Variants in NCLN observed in about 807,000 individuals in gnomAD.
NCLN encodes nicalin, also known as BOS complex subunit NCLN.
NCLN carries 34 observed loss-of-function variants against 69.5 expected under a neutral mutation model. That is an observed-to-expected ratio of 0.49 (90% CI 0.37 to 0.65). The LOEUF is 0.65. NCLN is among the 30% of genes least tolerant of loss of function. The pLI is 0.00. For synonymous variants in NCLN, 393 were observed against 358.3 expected (o/e 1.10, Z -1.09); for missense variants, 710 against 804.8 (o/e 0.88, Z 1.42).
chr19:3,186,235 C>A (rs368731051), intron 1 of NCLN, 21 bp downstream of exon 1: 1 of 1,465,374 alleles, frequency 6.8e-7, no homozygotes, highest in Non-Finnish European at 9.0e-7. Context: ...CCGGCCCACC[C>A]TCGGGGCTCC....
chr19:3,193,558 TG>T (rs2144900597), intron 3 of NCLN, 130 bp downstream of exon 3: 1 of 1,098,648 alleles, frequency 9.1e-7, no homozygotes, highest in South Asian at 1.7e-5. Context: ...GGGTTAACAG[TG>T]GGGGTTCCTG....
In NCLN at chr19:3,205,017, G is replaced by A. The variant is rs1916229638; in HGVS notation, c.1208+266G>A. Among the ~76,000 whole-genome samples the A allele has an allele frequency of 6.6e-6, 1 of 152,228 alleles. No individual in the cohort carries two copies. The highest frequency in any genetic ancestry group is 2.1e-4 in the South Asian group (1 of 4,832). ...GACCCCGTCACCTGTTGAGTTAGGA[G>A]CAAGCAGCTCCTGCCTCTGGGCCTC... is the stretch of plus-strand genomic sequence containing the variant. On this transcript the variant is annotated intron_variant, in intron 9 of 14. Coordinates refer to ENST00000246117, the MANE Select transcript of NCLN (RefSeq NM_020170.4). The surrounding 1 kb of genome is among the most constrained non-coding windows in gnomAD (Gnocchi z 4.6).
At position 3,192,622 on chromosome 19, in the gene NCLN, C is replaced by A. The variant is rs1218798682; in HGVS notation, c.337C>A (p.Pro113Thr). Residue 113 changes from proline to threonine, a missense_variant, in exon 2 of 15, where the codon CCC (proline) becomes ACC (threonine). Transcript: ENST00000246117. Reference sequence around the variant, plus strand: ...GGCGGGCGCCGTGGTCATCATCCTGCCCAGGGCCATGGCCGCCGTGCCCCA... The same window carrying A: ...GGCGGGCGCCGTGGTCATCATCCTGACCAGGGCCATGGCCGCCGTGCCCCA... ...QSAGAVVIIL[P>T]RAMAAVPQDV... 6.3e-7 allele frequency: 1 copy of A among 1,587,422 alleles called. No homozygotes were observed. The highest frequency in any genetic ancestry group is 1.8e-5 in the Admixed American group (1 of 56,782).
chr19:3,203,423 C>T (rs1004210296), intron 6 of NCLN, among the ~76,000 whole-genome samples: 2 of 152,186 alleles, frequency 1.3e-5, no homozygotes, highest in Non-Finnish European at 2.9e-5. Context: ...TCAGAGAAGC[C>T]TCTAGAGCTG....
intron 1 of NCLN, among the ~76,000 whole-genome samples, chr19:3,187,432 T>C (rs566581): frequency 0.56 from 84,544 of 152,046 alleles, 24,649 homozygotes; most frequent in East Asian, 0.96. Context: ...TTCTCTTGGA[T>C]TGGTCCCTCT....
chr19:3,199,368 A>G (rs191947743), intron 5 of NCLN, among the ~76,000 whole-genome samples: 1 of 152,366 alleles, frequency 6.6e-6, no homozygotes, highest in East Asian at 1.9e-4. Context: ...GTGAGCTGGG[A>G]CGACAGCCCA....
intron 5 of NCLN, among the ~76,000 whole-genome samples, chr19:3,199,145 C>G (rs1916057150): frequency 1.3e-5 from 2 of 152,206 alleles, no homozygotes. Flanking sequence ...GAGGCTGAGC[C>G]CAGGGAGTCT....
rs1916131767 is a variant in NCLN at position 3,201,714 on chromosome 19, T to A, written c.800+88T>A. The A allele has an allele frequency of 4.4e-6, 5 of 1,145,864 alleles. No homozygotes were observed. The Admixed American group carries it at 7.4e-5, about 17-fold the overall frequency. The allele number at this position is 1,145,864 out of a possible 1,614,324, so 71.0% of individuals were successfully genotyped here. Reference sequence around the variant, plus strand: ...CACCAGGCACCTCTGCAGATGTTTCTCTGGAGCCTCCTGGCCCCAAAGTGG... The same window carrying A: ...CACCAGGCACCTCTGCAGATGTTTCACTGGAGCCTCCTGGCCCCAAAGTGG... On this transcript the variant is annotated intron_variant, in intron 6 of 14. Transcript: ENST00000246117.
chr19:3,207,191 T>C lies in NCLN; in HGVS notation c.1500-7T>C. ...TGGTGCCCCCTGAGAAAGTGCTCTC[T>C]CCCCAGGGACCCAGAGTTTGTCTTC... On this transcript the variant is annotated splice_region_variant and splice_polypyrimidine_tract_variant and intron_variant, in intron 12 of 14. Transcript: ENST00000246117. 1 of 1,613,570 alleles carries C rather than the reference T, an allele frequency of 6.2e-7. No individual in the cohort carries two copies. The highest frequency in any genetic ancestry group is 8.5e-7 in the Non-Finnish European group (1 of 1,180,002).
rs911743861 is a variant in NCLN, at chr19:3,198,975, C to T, written c.696+78C>T. ...CCAGTCCAGTGCCGAGGCAAAGCGC[C>T]TGTAGGGGATGGCGGCCAGGGTCAG... is the stretch of plus-strand genomic sequence containing the variant. On this transcript the variant is annotated intron_variant, in intron 5 of 14. Coordinates refer to ENST00000246117, the MANE Select transcript of NCLN (RefSeq NM_020170.4). 1.3e-5 allele frequency: 14 copies of T among 1,086,512 alleles called. No homozygotes were observed. The South Asian group carries it at 2.5e-4, about 20-fold the overall frequency. The allele number at this position is 1,086,512 out of a possible 1,614,324, so 67.3% of individuals were successfully genotyped here. A position where few individuals can be genotyped will look rare whatever the true frequency, so the allele number is the denominator to read the frequency against.
rs1326970245 is a variant in NCLN at position 3,194,454 on chromosome 19, CA to C, written c.520+1027del. Reference sequence around the variant, plus strand: ...AGATGCAGAGTTGGCTAACACTGGCCAGGGGCCACCTGTTTTTGTTGATAAA... The same window carrying C: ...AGATGCAGAGTTGGCTAACACTGGCCGGGGCCACCTGTTTTTGTTGATAAA... On this transcript the variant is annotated intron_variant, in intron 3 of 14. Coordinates refer to ENST00000246117, the MANE Select transcript of NCLN (RefSeq NM_020170.4). Among the ~76,000 whole-genome samples the C allele has an allele frequency of 2.0e-5, 3 of 152,332 alleles. No homozygotes were observed. The East Asian group carries it at 5.8e-4, about 29-fold the overall frequency.
chr19:3,186,270 CG>C, intron 1 of NCLN, 56 bp downstream of exon 1: 1 of 1,398,354 alleles, frequency 7.2e-7, no homozygotes. Flanking sequence ...CACGCCACTC[CG>C]GCCCGGCGAT....
Position 3,207,917 on chromosome 19 carries a change from G to T in NCLN, c.*229G>T. ...TTTGAACTTCCTTGGAGGAGAGCTT[G>T]GGAGACGTCCCGGGGCCAGGCTACG... On this transcript the variant is annotated 3_prime_UTR_variant, in exon 15 of 15. Transcript: ENST00000246117. The T allele has an allele frequency of 1.8e-6, 1 of 550,762 alleles. No individual in the cohort carries two copies. The highest frequency in any genetic ancestry group is 3.2e-6 in the Non-Finnish European group (1 of 308,638). 34.1% of individuals were successfully genotyped at this position (550,762 alleles called of 1,614,324 possible).
In NCLN at chr19:3,209,290, A is replaced by C. The variant is rs868411985; in HGVS notation, c.*1602A>C. 6.6e-6 allele frequency: 1 copy of C among 152,200 alleles called. No individual in the cohort carries two copies. The highest frequency in any genetic ancestry group is 1.5e-5 in the Non-Finnish European group (1 of 68,058). 9.4% of individuals were successfully genotyped at this position (152,200 alleles called of 1,614,324 possible). A position where few individuals can be genotyped will look rare whatever the true frequency, so the allele number is the denominator to read the frequency against. ...CCTGCGGGTTGCCCGCCTCCTCCAGAGACTTGCCCAAGGGCCCATCACCAC... is the reference window on the plus strand; with the variant it reads ...CCTGCGGGTTGCCCGCCTCCTCCAGCGACTTGCCCAAGGGCCCATCACCAC... On this transcript the variant is annotated 3_prime_UTR_variant, in exon 15 of 15. Coordinates refer to ENST00000246117, the MANE Select transcript of NCLN (RefSeq NM_020170.4).
chr19:3,195,407 G>A (rs966665559), intron 3 of NCLN, among the ~76,000 whole-genome samples: 3 of 151,622 alleles, frequency 2.0e-5, no homozygotes, highest in Non-Finnish European at 4.4e-5. Flanking sequence ...CCACCACCAC[G>A]CCCAGCTAAT....
Position 3,207,245 on chromosome 19 carries a change from C to T in NCLN, c.1547C>T (p.Ala516Val), listed in dbSNP as rs140886698. The part of the protein sequence containing the change: ...FYDQLKQVMN[A>V]YRVKPAVFDL... ...GACCAGCTGAAGCAAGTGATGAATG[C>T]GTACAGGTGAGTGGTGGCCAGCGGG... Residue 516 changes from alanine (A) to valine (V), a missense_variant, in exon 13 of 15, where the codon GCG (alanine) becomes GTG (valine). Transcript: ENST00000246117. 15 of 1,613,652 alleles carry T rather than the reference C, an allele frequency of 9.3e-6. No homozygotes were observed. Among genetic ancestry groups the T allele is most frequent in the East Asian group, 2.2e-5 (1 of 44,902 alleles).
chr19:3,195,845 T>C lies in NCLN; in HGVS notation c.521-338T>C, dbSNP rs983489260. On this transcript the variant is annotated intron_variant, in intron 3 of 14. Transcript: ENST00000246117. ...TGCTTTAAAGCACAGAAGTGCGGACTCAAAGTTGTGTGAACTCACAGGCAT... is the reference window on the plus strand; with the variant it reads ...TGCTTTAAAGCACAGAAGTGCGGACCCAAAGTTGTGTGAACTCACAGGCAT... 1.1e-4 allele frequency among the ~76,000 whole-genome samples: 17 copies of C among 152,170 alleles called. No individual in the cohort carries two copies. In the East Asian group the frequency reaches 1.3e-3, roughly 12 times the overall value.
chr19:3,198,728 G>T, intron 4 of NCLN, 89 bp from the exon 5 acceptor site: 3 of 1,047,170 alleles, frequency 2.9e-6, no homozygotes, highest in Non-Finnish European at 4.1e-6. Flanking sequence ...CGGGCCCCAC[G>T]TGGCCCAGAG....
At chr19:3,188,415 G>A (rs1042132635) in intron 1 of NCLN, among the ~76,000 whole-genome samples, 1 of 152,170 alleles carries the variant, frequency 6.6e-6, no homozygotes. Flanking sequence ...CCAGACGGAC[G>A]CCCTCTCCAG....
Sources: gnomAD v4.1 joint callset for allele counts (sites outside exome capture counted in the v4.1 genomes callset) on GRCh38, gnomAD v4.1.1 for gene constraint, Gnocchi (gnomAD v3.1) non-coding constraint, MANE v1.5 for transcripts, NCBI Gene and HGNC (gene_info 2026-07-23, HGNC 2026-07-21) for gene names.